CDK17: variants seen among roughly 807,000 people sequenced by gnomAD.
CDK17 encodes the protein cyclin-dependent kinase 17.
CDK17 carries 24 observed loss-of-function variants against 77.6 expected under a neutral mutation model. The ratio of observed to expected loss-of-function variants is 0.31; its 90% CI spans 0.22 to 0.44. CDK17 has a LOEUF of 0.44. Among genes scored for constraint, CDK17 ranks in the 20% least tolerant of loss-of-function variants. CDK17 has a pLI of 1.00. For synonymous variants in CDK17, 203 were observed against 210.4 expected (o/e 0.96, Z 0.30); for missense variants, 429 against 622.5 (o/e 0.69, Z 3.31).
At chr12:96,363,625 A>C (rs146580785) in intron 1 of CDK17, among the ~76,000 whole-genome samples, 24,820 of 151,994 alleles carry the variant, frequency 0.16, 2,532 homozygotes, top group South Asian at 0.31. Context: ...AGGCGGGCAG[A>C]TCATGAGGTC....
chr12:96,366,674 T>A (rs969357963), intron 1 of CDK17, among the ~76,000 whole-genome samples: 2 of 152,204 alleles, frequency 1.3e-5, no homozygotes, highest in Admixed American at 1.3e-4. Context: ...AGTGACATAA[T>A]ATACCCATAA....
intron 1 of CDK17, among the ~76,000 whole-genome samples, chr12:96,351,303 C>T (rs950870424): frequency 8.9e-6 from 1 of 112,466 alleles, no homozygotes; most frequent in Non-Finnish European, 1.8e-5. Context: ...AGCAACTCTA[C>T]TCCTAGGGAT....
At chr12:96,298,562 T>C (rs979082105) in intron 7 of CDK17, among the ~76,000 whole-genome samples, 27 of 152,186 alleles carry the variant, frequency 1.8e-4, no homozygotes, top group African/African-American at 6.5e-4. Flanking sequence ...TTACACACTG[T>C]TTTTTAATTT....
At chr12:96,307,676 G>C (rs1333576348) in intron 5 of CDK17, among the ~76,000 whole-genome samples, 1 of 152,078 alleles carries the variant, frequency 6.6e-6, no homozygotes, top group African/African-American at 2.4e-5. Flanking sequence ...TTCAAGACCA[G>C]CTTGGCCAAC....
At chr12:96,376,028 T>C (rs951621578) in intron 1 of CDK17, among the ~76,000 whole-genome samples, 7 of 152,214 alleles carry the variant, frequency 4.6e-5, no homozygotes, top group Admixed American at 4.6e-4. Flanking sequence ...CTTGTGGTTC[T>C]AAATGGACAC....
At chr12:96,308,303 C>T (rs1202245629) in intron 5 of CDK17, among the ~76,000 whole-genome samples, 1 of 150,680 alleles carries the variant, frequency 6.6e-6, no homozygotes, top group Non-Finnish European at 1.5e-5. Flanking sequence ...CTTAGCTACT[C>T]AGGAGCCTGA....
intron 1 of CDK17, among the ~76,000 whole-genome samples, chr12:96,374,128 T>C (rs953929223): frequency 1.3e-5 from 2 of 152,196 alleles, no homozygotes; most frequent in African/African-American, 4.8e-5. Context: ...ACTAACCCTC[T>C]TTCCCCATTA....
intron 6 of CDK17, among the ~76,000 whole-genome samples, chr12:96,300,002 G>A (rs1348548228): frequency 2.0e-5 from 3 of 152,194 alleles, no homozygotes; most frequent in Non-Finnish European, 4.4e-5. Flanking sequence ...GGCACAGACA[G>A]TAGACTGGCA....
At chr12:96,282,989 CT>C (rs376931587) in intron 14 of CDK17, among the ~76,000 whole-genome samples, 25 of 148,120 alleles carry the variant, frequency 1.7e-4, no homozygotes, top group African/African-American at 1.7e-4. Flanking sequence ...ACTCATTTCC[CT>C]TTTTTTTTTG....
At chr12:96,318,561 T>A (rs914591918) in intron 3 of CDK17, among the ~76,000 whole-genome samples, 1 of 146,646 alleles carries the variant, frequency 6.8e-6, no homozygotes, top group Non-Finnish European at 1.5e-5. Flanking sequence ...AAAGCTCTCC[T>A]CAGCAAATGT....
intron 13 of CDK17, among the ~76,000 whole-genome samples, chr12:96,284,969 T>C (rs1565802615): frequency 6.6e-6 from 1 of 152,188 alleles, no homozygotes; most frequent in Non-Finnish European, 1.5e-5. Context: ...AACGTTTTTT[T>C]CCAAGTGCTC....
chr12:96,319,521 C>T (rs1351355340), intron 3 of CDK17, among the ~76,000 whole-genome samples: 1 of 138,204 alleles, frequency 7.2e-6, no homozygotes, highest in Non-Finnish European at 1.5e-5. Flanking sequence ...GACCAATATC[C>T]TTGATGAACA....
intron 1 of CDK17, among the ~76,000 whole-genome samples, chr12:96,355,857 A>G (rs1180186629): frequency 6.6e-6 from 1 of 152,240 alleles, no homozygotes; most frequent in Non-Finnish European, 1.5e-5. Context: ...TGAAGGAATG[A>G]TAGCAAATAC....
intron 1 of CDK17, among the ~76,000 whole-genome samples, chr12:96,362,491 T>C (rs1327300896): frequency 6.6e-6 from 1 of 152,154 alleles, no homozygotes; most frequent in Non-Finnish European, 1.5e-5. Flanking sequence ...AAAGCTAGGA[T>C]TACAGGTATG....
chr12:96,349,593 T>C (rs1953280895), intron 1 of CDK17, among the ~76,000 whole-genome samples: 1 of 143,644 alleles, frequency 7.0e-6, no homozygotes, highest in South Asian at 2.1e-4. Flanking sequence ...ATAAAATCAC[T>C]CAATAAACAA....
At chr12:96,326,332 G>A (rs954244287) in intron 2 of CDK17, among the ~76,000 whole-genome samples, 1 of 152,168 alleles carries the variant, frequency 6.6e-6, no homozygotes, top group African/African-American at 2.4e-5. Context: ...ACACACACAC[G>A]AAGTCAGGTA....
intron 1 of CDK17, among the ~76,000 whole-genome samples, chr12:96,368,290 T>G (rs1953621300): frequency 6.6e-6 from 1 of 152,336 alleles, no homozygotes; most frequent in African/African-American, 2.4e-5. Flanking sequence ...CCATGTATTT[T>G]TGTGGCTAGA....
chr12:96,305,523 G>C (rs1952566022), intron 5 of CDK17, among the ~76,000 whole-genome samples: 7 of 152,066 alleles, frequency 4.6e-5, no homozygotes, highest in Admixed American at 4.6e-4. Flanking sequence ...CACTGGAAAG[G>C]ATTAAGGTAA....
At chr12:96,338,070 T>C (rs1953070736) in intron 1 of CDK17, among the ~76,000 whole-genome samples, 1 of 152,224 alleles carries the variant, frequency 6.6e-6, no homozygotes, top group Non-Finnish European at 1.5e-5. Context: ...CTATATCAGT[T>C]TGATTTCTTA....
Sources: gnomAD v4.1 joint callset for allele counts (sites outside exome capture counted in the v4.1 genomes callset) on GRCh38, gnomAD v4.1.1 for gene constraint, MANE v1.5 for transcripts, NCBI Gene and HGNC (gene_info 2026-07-23, HGNC 2026-07-21) for gene names.